The following USO1 variants were observed in gnomAD, a reference collection of about 807,000 sequenced individuals.
USO1 encodes general vesicular transport factor p115.
Under a neutral mutation model 124.5 loss-of-function variants are expected in USO1, and 57 were observed. The observed-to-expected ratio is 0.46, with a 90% CI of 0.37 to 0.57. USO1 has a LOEUF of 0.57. USO1 is among the 20% of genes least tolerant of loss of function. The probability of loss-of-function intolerance (pLI) is 0.00; values close to 1 mark genes in which losing one functional copy is unlikely to be tolerated. For missense variants in USO1, 900 were observed against 1,040.6 expected (o/e 0.86, Z 1.86); for synonymous variants, 369 against 362.8 (o/e 1.02, Z -0.19).
chr4:75,808,419 T>C (rs1348129857), intron 20 of USO1, among the ~76,000 whole-genome samples: 2 of 152,170 alleles, frequency 1.3e-5, no homozygotes, highest in African/African-American at 4.8e-5. Context: ...ATTTCTTAAA[T>C]AGTCTTTTAA....
intron 10 of USO1, among the ~76,000 whole-genome samples, chr4:75,789,447 GT>G (rs1722466058): frequency 6.6e-6 from 1 of 152,060 alleles, no homozygotes; most frequent in Non-Finnish European, 1.5e-5. Flanking sequence ...AGCTAATTTT[GT>G]ATTTGTAGTA....
Position 75,770,476 on chromosome 4 carries a change from C to A in USO1, c.333C>A (p.Ser111Arg). The A allele has an allele frequency of 6.3e-7, 1 of 1,591,096 alleles. No individual in the cohort carries two copies. The highest frequency in any genetic ancestry group is 8.6e-7 in the Non-Finnish European group (1 of 1,167,772). Residue 111 changes from serine (S) to arginine (R), a missense_variant, in exon 5 of 24, where the codon AGC (serine) becomes AGA (arginine). Around this residue, in one of 2 missense-constraint regions of USO1, gnomAD observed 538 missense variants for 681.6 expected, o/e 0.79. Transcript: ENST00000514213. ...CAAGACAGAGTGAAGATTTGGGAAGCCAATTTACAGAAATTTTCATTAAGC... is the reference window on the plus strand; with the variant it reads ...CAAGACAGAGTGAAGATTTGGGAAGACAATTTACAGAAATTTTCATTAAGC... ...NSTRQSEDLG[S>R]QFTEIFIKQQ... is the part of the protein sequence containing the mutation.
At chr4:75,743,992 A>G (rs893807396) in intron 1 of USO1, among the ~76,000 whole-genome samples, 13 of 152,134 alleles carry the variant, frequency 8.5e-5, no homozygotes, top group African/African-American at 3.1e-4. Flanking sequence ...TAGCCAGGAT[A>G]GTCTGGATCT....
intron 1 of USO1, among the ~76,000 whole-genome samples, chr4:75,750,008 C>T (rs1721258978): frequency 1.3e-5 from 2 of 152,168 alleles, no homozygotes; most frequent in Admixed American, 6.5e-5. Context: ...CCACCTCAGC[C>T]TCCCAAAGTG....
chr4:75,732,271 G>A lies in USO1; in HGVS notation c.66+7386G>A, dbSNP rs141765317. 2.6e-3 allele frequency among the ~76,000 whole-genome samples: 391 copies of A among 152,162 alleles called. 2 individuals carry two copies. The highest frequency in any genetic ancestry group is 6.8e-3 in the Middle Eastern group (2 of 294). On this transcript the variant is annotated intron_variant, in intron 1 of 23. Coordinates refer to ENST00000514213, the MANE Select transcript of USO1 (RefSeq NM_003715.4). ...GAGGAAATGCAGTATTTGGTTTTCT[G>A]TTCCTATATTAATTCGCTTAGGATA...
chr4:75,803,909 T>A (rs1722922207), intron 17 of USO1, among the ~76,000 whole-genome samples: 2 of 152,200 alleles, frequency 1.3e-5, no homozygotes, highest in African/African-American at 4.8e-5. Flanking sequence ...TATGCCATGA[T>A]GTTTATTAAT....
rs1295921025 is a variant in USO1, at chr4:75,770,990, A to G, written c.499+66A>G. 3.1e-6 allele frequency: 5 copies of G among 1,598,026 alleles called. No individual in the cohort carries two copies. The African/African-American group carries it at 5.4e-5, about 17-fold the overall frequency. On this transcript the variant is annotated intron_variant, in intron 6 of 23. Coordinates refer to ENST00000514213, the MANE Select transcript of USO1 (RefSeq NM_003715.4). ...TGAGTATCATTTCCTAGAGAAAGGG[A>G]CTGAAATGGTGTGTTAGTAAATTGT...
intron 1 of USO1, among the ~76,000 whole-genome samples, chr4:75,735,577 G>A (rs1053986952): frequency 9.9e-5 from 15 of 152,116 alleles, no homozygotes; most frequent in African/African-American, 3.1e-4. Context: ...CTGGAGTGCA[G>A]TGGTGTGATC....
At chr4:75,752,813 A>G (rs1467914790) in intron 3 of USO1, among the ~76,000 whole-genome samples, 3 of 152,152 alleles carry the variant, frequency 2.0e-5, no homozygotes, top group Non-Finnish European at 4.4e-5. Context: ...GGTGTGAGCC[A>G]CTGCGCCTGG....
chr4:75,770,639 G>T, intron 5 of USO1, 100 bp downstream of exon 5: 1 of 1,466,732 alleles, frequency 6.8e-7, no homozygotes, highest in Admixed American at 2.7e-5. Context: ...TTTAAAGGTA[G>T]TAAAGTTTAT....
intron 3 of USO1, 145 bp from the exon 4 acceptor site, chr4:75,757,352 C>A: frequency 3.2e-6 from 2 of 628,406 alleles, no homozygotes; most frequent in Non-Finnish European, 4.6e-6. Flanking sequence ...TAAAACTACA[C>A]ATTTTTTACA....
intron 7 of USO1, among the ~76,000 whole-genome samples, chr4:75,772,772 A>T (rs1440671610): frequency 1.3e-5 from 2 of 152,014 alleles, no homozygotes; most frequent in Non-Finnish European, 2.9e-5. Context: ...ACTTATTTTC[A>T]TTTTCAGATA....
chr4:75,802,434 A>G (rs2149190858), intron 17 of USO1, among the ~76,000 whole-genome samples: 1 of 152,310 alleles, frequency 6.6e-6, no homozygotes, highest in Non-Finnish European at 1.5e-5. Context: ...AGTGATTGAC[A>G]CAATTACTCT....
chr4:75,739,654 C>T (rs1334002739), intron 1 of USO1, among the ~76,000 whole-genome samples: 1 of 142,488 alleles, frequency 7.0e-6, no homozygotes, highest in Non-Finnish European at 1.5e-5. Flanking sequence ...TTAAGTGATT[C>T]TCCTGCCTCA....
chr4:75,760,921 C>T (rs1411423367), intron 4 of USO1, among the ~76,000 whole-genome samples: 2 of 152,134 alleles, frequency 1.3e-5, no homozygotes, highest in African/African-American at 4.8e-5. Flanking sequence ...CCAAGGCGGG[C>T]AGATCACTTG....
chr4:75,799,876 G>T (rs1244910569), intron 14 of USO1, 144 bp downstream of exon 14: 7 of 920,494 alleles, frequency 7.6e-6, no homozygotes, highest in Non-Finnish European at 1.1e-5. Flanking sequence ...TGTTAAAGTT[G>T]TTATGATGCT....
At position 75,782,825 on chromosome 4, in the gene USO1, A is replaced by T. The variant is rs1414239252; in HGVS notation, c.822A>T (p.Ala274=). The T allele has an allele frequency of 3.1e-6, 5 of 1,605,570 alleles. No individual in the cohort carries two copies. Among genetic ancestry groups the T allele is most frequent in the Non-Finnish European group, 3.4e-6 (4 of 1,177,670 alleles). Residue 274 remains alanine (A), a synonymous_variant, in exon 9 of 24, where the codon GCA becomes GCT. Transcript: ENST00000514213. ...EVGDENSGWS[A]QKVTNLHLML... is the part of the protein sequence containing the mutation. ...GAGATGAAAATTCTGGCTGGTCTGCACAGAAAGTGACCAATCTACATCTAA... is the reference window on the plus strand; with the variant it reads ...GAGATGAAAATTCTGGCTGGTCTGCTCAGAAAGTGACCAATCTACATCTAA...
At chr4:75,750,986 A>G (rs1182120114) in intron 1 of USO1, among the ~76,000 whole-genome samples, 2 of 151,800 alleles carry the variant, frequency 1.3e-5, no homozygotes, top group South Asian at 4.1e-4. Flanking sequence ...GCTTTTTTTC[A>G]TCTCATTATT....
At chr4:75,745,481 G>A (rs966185925) in intron 1 of USO1, 1 of 386,998 alleles carries the variant, frequency 2.6e-6, no homozygotes, top group Non-Finnish European at 5.1e-6. Flanking sequence ...ATAGGAGAAA[G>A]AGTATGGACT....
Sources: gnomAD v4.1 joint callset for allele counts (sites outside exome capture counted in the v4.1 genomes callset) on GRCh38, gnomAD v4.1.1 for gene constraint, gnomAD v4.1.1 regional missense constraint, MANE v1.5 for transcripts, NCBI Gene and HGNC (gene_info 2026-07-23, HGNC 2026-07-21) for gene names.